CNTN5: variants seen among roughly 807,000 people sequenced by gnomAD.
CNTN5 encodes the protein contactin-5.
Under a neutral mutation model 129.1 loss-of-function variants are expected in CNTN5, and 77 were observed. That is an observed-to-expected ratio of 0.60 (90% CI 0.50 to 0.72). The LOEUF (loss-of-function observed/expected upper bound fraction) is 0.72. Ranked by LOEUF, CNTN5 falls within the 30% of genes least tolerant of loss-of-function variation. CNTN5 has a pLI of 0.00. For missense variants in CNTN5, 1,478 were observed against 1,328.8 expected (o/e 1.11, Z -1.75); for synonymous variants, 509 against 465.6 (o/e 1.09, Z -1.20).
At chr11:99,882,034 A>C (rs1363930216) in intron 6 of CNTN5, among the ~76,000 whole-genome samples, 1 of 152,162 alleles carries the variant, frequency 6.6e-6, no homozygotes, top group Non-Finnish European at 1.5e-5. Context: ...GTAGTTTAGC[A>C]CTGAAATTGT....
chr11:100,272,289 C>A (rs1950420972), intron 18 of CNTN5, among the ~76,000 whole-genome samples: 2 of 152,128 alleles, frequency 1.3e-5, no homozygotes, highest in Non-Finnish European at 2.9e-5. Flanking sequence ...TTATGTCCCC[C>A]TACACACACC....
intron 6 of CNTN5, among the ~76,000 whole-genome samples, chr11:99,849,684 C>T (rs1355757218): frequency 6.6e-6 from 1 of 152,146 alleles, no homozygotes. Flanking sequence ...CTCAAGCTCA[C>T]ATTGACAGCT....
At chr11:100,215,809 T>C (rs1294056116) in intron 15 of CNTN5, among the ~76,000 whole-genome samples, 1 of 152,048 alleles carries the variant, frequency 6.6e-6, no homozygotes, top group Admixed American at 6.6e-5. Context: ...AGGGGCAGAA[T>C]CAATGCCCTG....
intron 1 of CNTN5, among the ~76,000 whole-genome samples, chr11:99,040,432 C>A (rs1380189197): frequency 6.6e-6 from 1 of 152,032 alleles, no homozygotes; most frequent in African/African-American, 2.4e-5. Context: ...ATTGCATCAG[C>A]CTGATTACCA....
At chr11:100,310,111 C>T (rs1313897178) in intron 21 of CNTN5, among the ~76,000 whole-genome samples, 2 of 151,912 alleles carry the variant, frequency 1.3e-5, no homozygotes, top group African/African-American at 4.8e-5. Context: ...AAATAATATG[C>T]ACCAAAATCC....
intron 6 of CNTN5, among the ~76,000 whole-genome samples, chr11:99,883,197 C>T (rs1329305485): frequency 6.6e-6 from 1 of 152,186 alleles, no homozygotes; most frequent in Admixed American, 6.5e-5. Context: ...GCAGATGTCA[C>T]TTTGACATAC....
chr11:99,630,747 A>C (rs190830177), intron 3 of CNTN5, among the ~76,000 whole-genome samples: 98 of 152,276 alleles, frequency 6.4e-4, no homozygotes, highest in African/African-American at 1.7e-3. Flanking sequence ...TAGAAACTTT[A>C]TATCAAGTCC....
intron 9 of CNTN5, among the ~76,000 whole-genome samples, chr11:100,028,109 A>T (rs112375611): frequency 0.012 from 1,852 of 152,270 alleles, 48 homozygotes; most frequent in African/African-American, 0.043. Flanking sequence ...TAATAGAGTG[A>T]TTCTTTGACA....
At chr11:99,377,480 T>A (rs1477419110) in intron 2 of CNTN5, among the ~76,000 whole-genome samples, 1 of 152,130 alleles carries the variant, frequency 6.6e-6, no homozygotes, top group African/African-American at 2.4e-5. Context: ...TGTCCTATAG[T>A]CGTTATTCTT....
chr11:99,091,331 G>A (rs879587446), intron 1 of CNTN5, among the ~76,000 whole-genome samples: 6 of 152,272 alleles, frequency 3.9e-5, no homozygotes, highest in Non-Finnish European at 8.8e-5. Flanking sequence ...GATTACTGGG[G>A]CTAATCAGGA....
chr11:100,063,981 C>T (rs1306290621), intron 10 of CNTN5, among the ~76,000 whole-genome samples: 1 of 152,154 alleles, frequency 6.6e-6, no homozygotes, highest in African/African-American at 2.4e-5. Context: ...GCTTTCCTCC[C>T]CATCAAACTC....
intron 2 of CNTN5, among the ~76,000 whole-genome samples, chr11:99,328,362 T>C (rs1476230396): frequency 1.3e-5 from 2 of 152,146 alleles, no homozygotes; most frequent in Admixed American, 1.3e-4. Context: ...AAAAGCGTAA[T>C]TTCTTATCAT....
chr11:99,093,714 A>G (rs2135326005), intron 1 of CNTN5, among the ~76,000 whole-genome samples: 1 of 152,118 alleles, frequency 6.6e-6, no homozygotes, highest in Admixed American at 6.6e-5. Context: ...ACCACCCCTG[A>G]GTTTATAGCC....
intron 3 of CNTN5, among the ~76,000 whole-genome samples, chr11:99,660,010 C>A (rs1952537052): frequency 6.6e-6 from 1 of 152,018 alleles, no homozygotes; most frequent in South Asian, 2.1e-4. Context: ...ATCTTTTCAA[C>A]AAATTTTACT....
At chr11:99,773,601 G>C (rs971601234) in intron 3 of CNTN5, among the ~76,000 whole-genome samples, 1 of 151,760 alleles carries the variant, frequency 6.6e-6, no homozygotes, top group African/African-American at 2.4e-5. Flanking sequence ...GAAAAAAAAT[G>C]GTCATTTTAA....
chr11:99,775,734 C>G (rs1303776009), intron 3 of CNTN5, among the ~76,000 whole-genome samples: 1 of 151,768 alleles, frequency 6.6e-6, no homozygotes, highest in African/African-American at 2.4e-5. Context: ...TTTGTACTCA[C>G]GTTATGATAA....
At chr11:100,339,952 G>T (rs1952124470) in intron 21 of CNTN5, among the ~76,000 whole-genome samples, 1 of 152,110 alleles carries the variant, frequency 6.6e-6, no homozygotes, top group Non-Finnish European at 1.5e-5. Flanking sequence ...TGACAATGCT[G>T]TTTCTCTACA....
intron 2 of CNTN5, among the ~76,000 whole-genome samples, chr11:99,430,816 CA>C (rs1943335864): frequency 6.6e-6 from 1 of 151,880 alleles, no homozygotes; most frequent in Non-Finnish European, 1.5e-5. Context: ...AATATCAAAC[CA>C]AACCCAGGCT....
In CNTN5 at chr11:99,156,870, G is replaced by A. The variant is rs540987721; in HGVS notation, c.-210+135600G>A. On this transcript the variant is annotated intron_variant, in intron 1 of 24. Coordinates refer to ENST00000524871, the MANE Select transcript of CNTN5 (RefSeq NM_014361.4). ...GCAATATTTTTTAAACAAATCTCAG[G>A]TGTATAATACTGTGTTTCAATAACA... Among the ~76,000 whole-genome samples the A allele has an allele frequency of 4.6e-5, 7 of 152,084 alleles. No individual in the cohort carries two copies. The South Asian group carries it at 1.2e-3, about 27-fold the overall frequency.
Sources: allele counts gnomAD v4.1 joint callset (sites outside exome capture counted in the v4.1 genomes callset), GRCh38; gene constraint gnomAD v4.1.1; transcripts MANE v1.5; gene names NCBI Gene and HGNC (gene_info 2026-07-23, HGNC 2026-07-21).